Variants in HMGCLL1 observed in about 807,000 individuals in gnomAD.
HMGCLL1 encodes 3-hydroxymethyl-3-methylglutaryl-CoA lyase, cytoplasmic.
Under a neutral mutation model 39.1 loss-of-function variants are expected in HMGCLL1, and 36 were observed. The observed-to-expected ratio is 0.92, with a 90% CI of 0.71 to 1.22. HMGCLL1 has a LOEUF of 1.22. Ranked by LOEUF, HMGCLL1 falls within the 50% of genes most tolerant of loss-of-function variation. The pLI is 0.00. For synonymous variants in HMGCLL1, 149 were observed against 144.0 expected (o/e 1.03, Z -0.25); for missense variants, 451 against 416.5 (o/e 1.08, Z -0.72).
At chr6:55,631,252 T>G in the HMGCLL1 span, among the ~76,000 whole-genome samples, 1 of 152,144 alleles carries the variant, frequency 6.6e-6, no homozygotes, top group African/African-American at 2.4e-5. Context: ...CGATTTGCCC[T>G]TTTGAGACTA....
chr6:55,477,329 ATAT>A (rs1765457159), intron 7 of HMGCLL1, among the ~76,000 whole-genome samples: 1 of 19,008 alleles, frequency 5.3e-5, no homozygotes, highest in African/African-American at 2.9e-4. Flanking sequence ...ATATTATATT[ATAT>A]AATATATATT....
At chr6:55,597,327 T>G in the HMGCLL1 span, among the ~76,000 whole-genome samples, 115 of 152,202 alleles carry the variant, frequency 7.6e-4, 4 homozygotes, top group South Asian at 0.023. Flanking sequence ...CTTTTCATCA[T>G]AAGAGTGCTA....
chr6:55,453,218 G>A (rs931945763), intron 7 of HMGCLL1, among the ~76,000 whole-genome samples: 7 of 152,170 alleles, frequency 4.6e-5, no homozygotes, highest in South Asian at 2.1e-4. Flanking sequence ...TCGCTCTGTC[G>A]CCCAGGCTGG....
chr6:55,452,081 G>T (rs148730833), intron 7 of HMGCLL1, among the ~76,000 whole-genome samples: 2,402 of 152,228 alleles, frequency 0.016, 39 homozygotes, highest in Non-Finnish European at 0.027. Context: ...AGATCAAGGT[G>T]CATATAGGCC....
At chr6:55,491,387 G>A (rs1346369018) in intron 7 of HMGCLL1, among the ~76,000 whole-genome samples, 1 of 152,106 alleles carries the variant, frequency 6.6e-6, no homozygotes, top group East Asian at 1.9e-4. Context: ...AGCTTTTGAT[G>A]TAAAAATTAG....
chr6:55,577,200 A>T (rs1771802373), intron 1 of HMGCLL1: 2 of 1,551,668 alleles, frequency 1.3e-6, no homozygotes, highest in African/African-American at 1.4e-5. Flanking sequence ...GCCAAGTGTC[A>T]GATGTTAGTG....
At chr6:55,594,952 A>C in the HMGCLL1 span, among the ~76,000 whole-genome samples, 2 of 152,224 alleles carry the variant, frequency 1.3e-5, no homozygotes, top group Admixed American at 1.3e-4. Flanking sequence ...CTTTAAAAAA[A>C]TATATTGTGC....
At chr6:55,485,777 A>G (rs1314236760) in intron 7 of HMGCLL1, among the ~76,000 whole-genome samples, 1 of 151,976 alleles carries the variant, frequency 6.6e-6, no homozygotes, top group Non-Finnish European at 1.5e-5. Flanking sequence ...TACATTTTAT[A>G]TTATAATATA....
intron 4 of HMGCLL1, among the ~76,000 whole-genome samples, chr6:55,514,876 C>A (rs1404635735): frequency 3.9e-5 from 6 of 152,128 alleles, no homozygotes; most frequent in African/African-American, 1.4e-4. Flanking sequence ...GCCTCTCAGT[C>A]ATTCAGCTGG....
chr6:55,652,884 A>T, the HMGCLL1 span, among the ~76,000 whole-genome samples: 1 of 152,122 alleles, frequency 6.6e-6, no homozygotes, highest in East Asian at 1.9e-4. Flanking sequence ...AAATTTTAAC[A>T]CATATGTCTT....
the HMGCLL1 span, among the ~76,000 whole-genome samples, chr6:55,677,001 T>A: frequency 6.6e-6 from 1 of 152,244 alleles, no homozygotes; most frequent in Admixed American, 6.5e-5. Context: ...AAAGGGGTGC[T>A]ATTGTGGTAG....
the HMGCLL1 span, among the ~76,000 whole-genome samples, chr6:55,587,424 A>G: frequency 6.6e-6 from 1 of 152,058 alleles, no homozygotes. Context: ...GAAGCACTAA[A>G]CATGGAAACG....
chr6:55,441,342 A>G (rs1260111351), intron 7 of HMGCLL1, among the ~76,000 whole-genome samples: 1 of 152,094 alleles, frequency 6.6e-6, no homozygotes, highest in East Asian at 1.9e-4. Flanking sequence ...TTGTTAAGCT[A>G]ATTTAGTAGG....
At chr6:55,438,279 GT>G (rs1186956390) in intron 8 of HMGCLL1, among the ~76,000 whole-genome samples, 2 of 152,084 alleles carry the variant, frequency 1.3e-5, no homozygotes, top group African/African-American at 2.4e-5. Context: ...GGCAACAGCT[GT>G]TGGTGTTTAG....
intron 7 of HMGCLL1, among the ~76,000 whole-genome samples, chr6:55,474,406 T>C (rs1321411383): frequency 6.6e-6 from 1 of 151,636 alleles, no homozygotes; most frequent in Non-Finnish European, 1.5e-5. Flanking sequence ...ACGTCTAGTC[T>C]ACCAATGAGT....
chr6:55,517,727 T>A (rs1767818539), intron 3 of HMGCLL1, among the ~76,000 whole-genome samples: 1 of 152,098 alleles, frequency 6.6e-6, no homozygotes, highest in African/African-American at 2.4e-5. Flanking sequence ...TATTGATACA[T>A]TCATCTTGTC....
intron 3 of HMGCLL1, among the ~76,000 whole-genome samples, chr6:55,539,110 A>C (rs1259779996): frequency 1.3e-5 from 2 of 152,228 alleles, no homozygotes; most frequent in Admixed American, 1.3e-4. Flanking sequence ...ACAAAGAGGC[A>C]GGACATGTAA....
intron 1 of HMGCLL1, among the ~76,000 whole-genome samples, chr6:55,544,038 G>T (rs539770830): frequency 6.6e-6 from 1 of 152,114 alleles, no homozygotes; most frequent in South Asian, 2.1e-4. Flanking sequence ...TTTTCTCTAG[G>T]TCACACAGCA....
At chr6:55,538,871 C>T (rs1346775371) in intron 3 of HMGCLL1, among the ~76,000 whole-genome samples, 8 of 151,832 alleles carry the variant, frequency 5.3e-5, no homozygotes, top group African/African-American at 1.9e-4. Context: ...ACAGCAGTGA[C>T]AATGGGATAG....
Sources: allele counts gnomAD v4.1 joint callset (sites outside exome capture counted in the v4.1 genomes callset), GRCh38; gene constraint gnomAD v4.1.1; transcripts MANE v1.5; gene names NCBI Gene and HGNC (gene_info 2026-07-23, HGNC 2026-07-21).